Variants in NCL observed in about 807,000 individuals in gnomAD.
NCL encodes nucleolin multifunctional protein.
In NCL, 4 loss-of-function variants were observed where a neutral mutation model predicts 77.7. The observed-to-expected ratio is 0.05, with a 90% confidence interval of 0.03 to 0.12. The LOEUF (loss-of-function observed/expected upper bound fraction) is 0.12. NCL is among the 10% of genes least tolerant of loss of function. NCL has a pLI of 1.00. For synonymous variants in NCL, 344 were observed against 297.8 expected (o/e 1.16, Z -1.60); for missense variants, 763 against 860.9 (o/e 0.89, Z 1.42).
chr2:231,458,145 A>G, intron 8 of NCL, 121 bp downstream of exon 8: 3 of 1,348,768 alleles, frequency 2.2e-6, no homozygotes, highest in South Asian at 2.9e-5. Flanking sequence ...TGAGGCACAA[A>G]CTTACAGGTT....
chr2:231,456,961 T>C (rs747406242), intron 10 of NCL, 40 bp downstream of exon 10: 3 of 1,608,540 alleles, frequency 1.9e-6, no homozygotes, highest in Non-Finnish European at 2.5e-6. Context: ...CTCTAAGACA[T>C]ATATAGCCTA....
chr2:231,455,128 G>A lies in NCL; in HGVS notation c.*63C>T. 2 of 1,566,360 alleles carry A rather than the reference G, an allele frequency of 1.3e-6. No homozygotes were observed. The highest frequency in any genetic ancestry group is 1.8e-6 in the Non-Finnish European group (2 of 1,138,246). ...CTCAGAAGGCTCTGTCATTGATCAG[G>A]TAACAGTAAAAACCCCAGAGTCCTT... On this transcript the variant is annotated 3_prime_UTR_variant, in exon 14 of 14. Coordinates refer to ENST00000322723, the MANE Select transcript of NCL (RefSeq NM_005381.3).
At position 231,454,955 on chromosome 2, in the gene NCL, A is replaced by AACTT. The variant is rs1479956054; in HGVS notation, c.*232_*235dup. The stretch of plus-strand genomic sequence containing the variant: ...ATGGGATGAAACAATATAAATTCAA[A>AACTT]ACTTACAGATAAGGGTTAGCTCTAT... On this transcript the variant is annotated 3_prime_UTR_variant, in exon 14 of 14. Coordinates refer to ENST00000322723, the MANE Select transcript of NCL (RefSeq NM_005381.3). The AACTT allele has an allele frequency of 3.7e-5, 16 of 429,890 alleles. No individual in the cohort carries two copies. The highest frequency in any genetic ancestry group is 6.6e-5 in the East Asian group (2 of 30,214). The allele number at this position is 429,890 out of a possible 1,614,324, so 26.6% of individuals were successfully genotyped here.
At chr2:231,463,588 T>C in intron 1 of NCL, 2 of 442,434 alleles carry the variant, frequency 4.5e-6, no homozygotes, top group South Asian at 2.7e-5. Flanking sequence ...CCCGTTACCT[T>C]AGTTAAGCAC....
At chr2:231,458,937 AAAG>A (rs769787974) in intron 7 of NCL, 61 bp downstream of exon 7, 135 of 1,423,152 alleles carry the variant, frequency 9.5e-5, no homozygotes, top group Admixed American at 4.4e-4. Context: ...AATGGGTTAC[AAAG>A]CATTTTCCCT....
At chr2:231,461,460 C>G in intron 3 of NCL, 80 bp downstream of exon 3, 1 of 1,547,624 alleles carries the variant, frequency 6.5e-7, no homozygotes, top group South Asian at 1.2e-5. Flanking sequence ...TCCAGGTTGT[C>G]GTGGAAGGAA....
intron 6 of NCL, among the ~76,000 whole-genome samples, chr2:231,459,466 T>TA (rs1397998027): frequency 1.3e-5 from 2 of 152,118 alleles, no homozygotes; most frequent in Non-Finnish European, 2.9e-5. Context: ...ACAGGTCTAA[T>TA]AGTTTCAGGT....
Position 231,461,529 on chromosome 2 carries a change from C to T in NCL, c.613+11G>A. 6.2e-7 allele frequency: 1 copy of T among 1,611,320 alleles called. No homozygotes were observed. The highest frequency in any genetic ancestry group is 8.5e-7 in the Non-Finnish European group (1 of 1,178,420). On this transcript the variant is annotated intron_variant, in intron 3 of 13. Transcript: ENST00000322723. The stretch of plus-strand genomic sequence containing the variant: ...ATCAGAAGCCCAGTAACTACCAAGA[C>T]AACTCCTTACCATCTTCCTCATCGT...
chr2:231,456,557 G>A (rs754782773), intron 11 of NCL, 74 bp downstream of exon 11: 2 of 1,599,556 alleles, frequency 1.3e-6, no homozygotes, highest in Non-Finnish European at 1.7e-6. Context: ...AGGAAACACA[G>A]AATTTGTGCA....
chr2:231,459,046 T>C lies in NCL; in HGVS notation c.1120A>G (p.Asn374Asp). The C allele has an allele frequency of 6.2e-7, 1 of 1,603,808 alleles. No individual in the cohort carries two copies. The highest frequency in any genetic ancestry group is 8.5e-7 in the Non-Finnish European group (1 of 1,176,308). ...LELTGLKVFG[N>D]EIKLEKPKGK... ...TTTGGTTTCTCTAGTTTAATTTCAT[T>C]GCCAAAGACTTTCAAACCAGTGAGT... The change falls in exon 7 of 14, where the codon AAT becomes GAT. Residue 374 changes from asparagine to aspartate, a missense_variant. Around this residue, in one of 2 missense-constraint regions of NCL, gnomAD observed 590 missense variants for 570.5 expected, o/e 1.03. Coordinates refer to ENST00000322723, the MANE Select transcript of NCL (RefSeq NM_005381.3).
At chr2:231,460,119 C>T (rs376241353) in intron 6 of NCL, 33 bp downstream of exon 6, 157 of 1,588,088 alleles carry the variant, frequency 9.9e-5, no homozygotes, top group South Asian at 5.1e-4. Context: ...ATTAACAGAC[C>T]CACGTGTATG....
At chr2:231,460,444 T>C in intron 5 of NCL, 34 bp downstream of exon 5, 1 of 1,600,246 alleles carries the variant, frequency 6.2e-7, no homozygotes, top group Non-Finnish European at 8.6e-7. Flanking sequence ...TTGTGCTGTT[T>C]ATCTCCCCCA....
In NCL at chr2:231,453,854, TCA is replaced by T. The variant is rs755255550; in HGVS notation, c.*1335_*1336del. The T allele has an allele frequency of 4.6e-5, 7 of 152,264 alleles. No individual in the cohort carries two copies. The highest frequency in any genetic ancestry group is 5.9e-5 in the Non-Finnish European group (4 of 68,056). The allele number at this position is 152,264 out of a possible 1,614,324, so 9.4% of individuals were successfully genotyped here. A position where few individuals can be genotyped will look rare whatever the true frequency, so the allele number is the denominator to read the frequency against. ...GTTTCCTTCTAAGCTTATCCAAGTA[TCA>T]CAGTTTGATTTCACTAGTTGGACTA... On this transcript the variant is annotated 3_prime_UTR_variant, in exon 14 of 14. Coordinates refer to ENST00000322723, the MANE Select transcript of NCL (RefSeq NM_005381.3).
rs760867341 is a variant in NCL, at chr2:231,464,374, C to T, written c.-21G>A. 9.4e-6 allele frequency: 15 copies of T among 1,599,912 alleles called. No individual in the cohort carries two copies. The highest frequency in any genetic ancestry group is 1.2e-5 in the Non-Finnish European group (14 of 1,173,118). On this transcript the variant is annotated 5_prime_UTR_variant, in exon 1 of 14. Coordinates refer to ENST00000322723, the MANE Select transcript of NCL (RefSeq NM_005381.3). ...ACCATGATGGCGGCGGAGTGTGAAG[C>T]GGACAAGTGGCGCAGATGAGTCCAG...
chr2:231,460,354 C>T (rs1200564394), intron 5 of NCL, 61 bp from the exon 6 acceptor site: 2 of 1,610,058 alleles, frequency 1.2e-6, no homozygotes, highest in Non-Finnish European at 1.7e-6. Flanking sequence ...GTTTCCAAAG[C>T]AAAATTTCTA....
At chr2:231,462,963 T>G in intron 2 of NCL, 1 of 487,432 alleles carries the variant, frequency 2.1e-6, no homozygotes, top group Non-Finnish European at 3.7e-6. Flanking sequence ...CAAATCACAC[T>G]CCAAGCCCTG....
chr2:231,462,131 A>G (rs1390750763), intron 2 of NCL, 114 bp from the exon 3 acceptor site: 1 of 1,292,292 alleles, frequency 7.7e-7, no homozygotes, highest in Non-Finnish European at 1.1e-6. Context: ...GACCACATGC[A>G]CTAGACACAT....
Position 231,454,289 on chromosome 2 carries a change from G to C in NCL, c.*902C>G, listed in dbSNP as rs1282649691. 6.6e-6 allele frequency: 1 copy of C among 152,394 alleles called. No individual in the cohort carries two copies. Among genetic ancestry groups the C allele is most frequent in the Non-Finnish European group, 1.5e-5 (1 of 68,254 alleles). The allele number at this position is 152,394 out of a possible 1,614,324, so 9.4% of individuals were successfully genotyped here. A position where few individuals can be genotyped will look rare whatever the true frequency, so the allele number is the denominator to read the frequency against. On this transcript the variant is annotated 3_prime_UTR_variant, in exon 14 of 14. Transcript: ENST00000322723. ...GCCTCCTGAGTAGCTGGGACTACAG[G>C]AGTACACCACCATGCCCAGCTAATT...
chr2:231,458,156 A>C (rs2046909785), intron 8 of NCL, 110 bp downstream of exon 8: 2 of 1,423,040 alleles, frequency 1.4e-6, no homozygotes, highest in Admixed American at 2.2e-5. Context: ...CTTACAGGTT[A>C]AACTGTCCAA....
Sources: allele counts gnomAD v4.1 joint callset (sites outside exome capture counted in the v4.1 genomes callset), GRCh38; gene constraint gnomAD v4.1.1; regional missense constraint gnomAD v4.1.1; transcripts MANE v1.5; gene names NCBI Gene and HGNC (gene_info 2026-07-23, HGNC 2026-07-21).